Variants in ANKS1A observed in about 807,000 individuals in gnomAD.
ANKS1A encodes ankyrin repeat and SAM domain-containing protein 1A.
Under a neutral mutation model 120.3 loss-of-function variants are expected in ANKS1A, and 55 were observed. The ratio of observed to expected loss-of-function variants is 0.46; its 90% CI spans 0.37 to 0.57. ANKS1A has a LOEUF of 0.57. Among genes scored for constraint, ANKS1A ranks in the 20% least tolerant of loss-of-function variants. The pLI is 0.00. For missense variants in ANKS1A, 1,123 were observed against 1,480.3 expected (o/e 0.76, Z 3.96); for synonymous variants, 590 against 604.7 (o/e 0.98, Z 0.36).
intron 1 of ANKS1A, among the ~76,000 whole-genome samples, chr6:34,927,918 G>A (rs113611548): frequency 9.9e-5 from 15 of 152,254 alleles, no homozygotes; most frequent in African/African-American, 3.6e-4. Context: ...AAACTGAGAT[G>A]GCTTCTTTTG....
chr6:34,891,336 C>T (rs1766813512), intron 1 of ANKS1A, among the ~76,000 whole-genome samples: 1 of 152,222 alleles, frequency 6.6e-6, no homozygotes, highest in African/African-American at 2.4e-5. Flanking sequence ...GATGGGTATA[C>T]TTCCATATAT....
chr6:35,083,102 C>T (rs900604497), intron 18 of ANKS1A, 53 bp from the exon 19 acceptor site: 1 of 1,603,656 alleles, frequency 6.2e-7, no homozygotes, highest in Admixed American at 1.7e-5. Flanking sequence ...GTTGGGTCAC[C>T]CCTGCATGGA....
chr6:35,084,384 C>T lies in ANKS1A; in HGVS notation c.3132+126C>T. 7.5e-7 allele frequency: 1 copy of T among 1,340,644 alleles called. No homozygotes were observed. The highest frequency in any genetic ancestry group is 1.0e-6 in the Non-Finnish European group (1 of 1,003,606). 83.0% of individuals were successfully genotyped at this position (1,340,644 alleles called of 1,614,324 possible). A position where few individuals can be genotyped will look rare whatever the true frequency, so the allele number is the denominator to read the frequency against. On this transcript the variant is annotated intron_variant, in intron 21 of 23. Coordinates refer to ENST00000360359, the MANE Select transcript of ANKS1A (RefSeq NM_015245.3). This position sits in a 1 kb window ranked among gnomAD's most constrained non-coding sequence, Gnocchi z 4.8. ...GCCAGTGCCTGGCAAATGTTTGGTTCATGAATGGAGCCCAGCAGCACTCAG... is the reference window on the plus strand; with the variant it reads ...GCCAGTGCCTGGCAAATGTTTGGTTTATGAATGGAGCCCAGCAGCACTCAG...
chr6:35,061,206 G>A (rs1776480541), intron 13 of ANKS1A, among the ~76,000 whole-genome samples: 2 of 152,178 alleles, frequency 1.3e-5, no homozygotes, highest in Non-Finnish European at 2.9e-5. Flanking sequence ...TCAGTCATTG[G>A]CAGGGTGGAA....
Position 35,084,182 on chromosome 6 carries a change from T to C in ANKS1A, c.3056T>C (p.Leu1019Pro), listed in dbSNP as rs1380527366. The C allele has an allele frequency of 6.2e-7, 1 of 1,614,184 alleles. No homozygotes were observed. The highest frequency in any genetic ancestry group is 8.5e-7 in the Non-Finnish European group (1 of 1,180,022). ...ISCAAQDPEDLCTFAYITKDL... is the reference protein window; with the variant it reads ...ISCAAQDPEDPCTFAYITKDL... ...TGTGCGGCCCAGGACCCGGAGGACC[T>C]CTGTACCTTTGCCTACATCACCAAG... Residue 1019 changes from leucine to proline, a missense_variant, in exon 21 of 24, where the codon CTC becomes CCC. By Grantham distance (98) the Leu-to-Pro change is moderately conservative. Transcript: ENST00000360359. This position sits in a 1 kb window ranked among gnomAD's most constrained non-coding sequence, Gnocchi z 4.8.
Position 34,903,176 on chromosome 6 carries a change from C to G in ANKS1A, c.197+13577C>G, listed in dbSNP as rs142066521. On this transcript the variant is annotated intron_variant, in intron 1 of 23. Transcript: ENST00000360359. ...TTTTTGGATGTATGTGTGGGGCGTT[C>G]CCACTGTAATCCATAAAACCCATTT... Among the ~76,000 whole-genome samples the G allele has an allele frequency of 2.5e-4, 38 of 152,170 alleles. No homozygotes were observed. The East Asian group carries it at 7.2e-3, about 29-fold the overall frequency.
At chr6:35,094,247 C>G (rs950352713), downstream of ANKS1A, among the ~76,000 whole-genome samples, 4 of 152,176 alleles carry the variant, frequency 2.6e-5, no homozygotes, top group African/African-American at 9.7e-5. Flanking sequence ...CCAGAAAACT[C>G]TCAATCTGAA....
chr6:34,951,766 TTAAG>T (rs763046414), intron 1 of ANKS1A, among the ~76,000 whole-genome samples: 5 of 152,228 alleles, frequency 3.3e-5, no homozygotes, highest in Non-Finnish European at 5.9e-5. Context: ...AATACTTACC[TTAAG>T]TAACAGACTT....
intron 10 of ANKS1A, among the ~76,000 whole-genome samples, chr6:35,000,357 CA>C (rs1460253782): frequency 4.0e-5 from 6 of 149,650 alleles, no homozygotes; most frequent in Non-Finnish European, 5.9e-5. Context: ...AGGTTTTCAA[CA>C]AAAGTAAAGT....
intron 11 of ANKS1A, among the ~76,000 whole-genome samples, chr6:35,029,217 A>G: frequency 6.6e-6 from 1 of 150,878 alleles, no homozygotes; most frequent in East Asian, 1.9e-4. Context: ...AGCTCTTTGT[A>G]TTTGAGAAAA....
chr6:34,968,504 CT>C (rs1280384575), intron 2 of ANKS1A, among the ~76,000 whole-genome samples: 1 of 151,512 alleles, frequency 6.6e-6, no homozygotes, highest in Admixed American at 6.6e-5. Flanking sequence ...GTGGCATGAT[CT>C]TGGCTCACTG....
rs116070073 is a variant in ANKS1A, at chr6:35,018,817, A to G, written c.2010+758A>G. On this transcript the variant is annotated intron_variant, in intron 11 of 23. Transcript: ENST00000360359. ...GTTCCTGTGTTAATTCACTCAGGAT[A>G]ATGGCCTCCAGCTGCATCCATGTTG... is the stretch of plus-strand genomic sequence containing the variant. Among the ~76,000 whole-genome samples the G allele has an allele frequency of 4.3e-3, 652 of 152,234 alleles. 4 individuals carry two copies. The highest frequency in any genetic ancestry group is 0.015 in the African/African-American group (615 of 41,514).
intron 1 of ANKS1A, among the ~76,000 whole-genome samples, chr6:34,943,251 G>A (rs1216038466): frequency 6.6e-6 from 1 of 152,090 alleles, no homozygotes; most frequent in Admixed American, 6.6e-5. Flanking sequence ...CACTGCATCC[G>A]GCCTACAGCA....
intron 11 of ANKS1A, among the ~76,000 whole-genome samples, chr6:35,018,316 C>G (rs1428397121): frequency 6.6e-6 from 1 of 152,198 alleles, no homozygotes; most frequent in Non-Finnish European, 1.5e-5. Flanking sequence ...GGGGCACTTT[C>G]TAGAAATGAC....
At chr6:35,011,332 A>G (rs1773746265) in intron 10 of ANKS1A, among the ~76,000 whole-genome samples, 3 of 152,214 alleles carry the variant, frequency 2.0e-5, no homozygotes, top group Non-Finnish European at 4.4e-5. Context: ...GGGAGCAAAG[A>G]CAGCAAATAT....
intron 3 of ANKS1A, among the ~76,000 whole-genome samples, chr6:34,973,871 C>CT (rs1771317819): frequency 9.3e-6 from 1 of 107,966 alleles, no homozygotes; most frequent in Admixed American, 8.7e-5. Context: ...CTCCCCTTCC[C>CT]TTCCCCTTCC....
intron 3 of ANKS1A, among the ~76,000 whole-genome samples, chr6:34,978,805 C>CAA (rs67799235): frequency 2.1e-5 from 2 of 96,894 alleles, no homozygotes; most frequent in Non-Finnish European, 4.2e-5. Context: ...AACTCCGTCT[C>CAA]AAAAAAAAAA....
Position 35,027,676 on chromosome 6 carries a change from C to A in ANKS1A, c.2010+9617C>A, listed in dbSNP as rs543622478. Among the ~76,000 whole-genome samples the A allele has an allele frequency of 1.1e-4, 16 of 152,230 alleles. No individual in the cohort carries two copies. In the South Asian group the frequency reaches 3.1e-3, roughly 30 times the overall value. On this transcript the variant is annotated intron_variant, in intron 11 of 23. Coordinates refer to ENST00000360359, the MANE Select transcript of ANKS1A (RefSeq NM_015245.3). ...ACAACACAGGGTCTTTTCCTGACCC[C>A]AGTGTTATGCCAGCATCCTCAAAGA...
Position 34,998,698 on chromosome 6 carries a change from C to T in ANKS1A, c.1423+4276C>T, listed in dbSNP as rs144089277. Among the ~76,000 whole-genome samples, 1,336 of 152,252 alleles carry T rather than the reference C, an allele frequency of 8.8e-3. 25 individuals carry two copies. Among genetic ancestry groups the T allele is most frequent in the African/African-American group, 0.03 (1,229 of 41,528 alleles). ...CGGACCCCCCTTAGAGTTGTGAGCC[C>T]TTAAAAGGGACAGGAATTGCTCACT... is the stretch of plus-strand genomic sequence containing the variant. On this transcript the variant is annotated intron_variant, in intron 10 of 23. Coordinates refer to ENST00000360359, the MANE Select transcript of ANKS1A (RefSeq NM_015245.3).
Sources: allele counts gnomAD v4.1 joint callset (sites outside exome capture counted in the v4.1 genomes callset), GRCh38; gene constraint gnomAD v4.1.1; non-coding constraint Gnocchi (gnomAD v3.1); transcripts MANE v1.5; gene names NCBI Gene and HGNC (gene_info 2026-07-23, HGNC 2026-07-21).